Variants in TCEA1 observed in about 807,000 individuals in gnomAD.
TCEA1 encodes transcription elongation factor A protein 1.
In TCEA1, 21 loss-of-function variants were observed where a neutral mutation model predicts 43.8. That is an observed-to-expected ratio of 0.48 (90% CI 0.34 to 0.69). TCEA1 has a LOEUF of 0.69. Ranked by LOEUF, TCEA1 falls within the 30% of genes least tolerant of loss-of-function variation. The pLI, the probability that TCEA1 is intolerant of heterozygous loss-of-function variation, is 0.01. For missense variants in TCEA1, 250 were observed against 365.1 expected (o/e 0.68, Z 2.57); for synonymous variants, 104 against 117.5 (o/e 0.88, Z 0.75).
chr8:53,996,725 T>C (rs1283280106), intron 3 of TCEA1, among the ~76,000 whole-genome samples: 1 of 142,622 alleles, frequency 7.0e-6, no homozygotes, highest in African/African-American at 3.0e-5. Flanking sequence ...AAACAAACTA[T>C]TTTCATTAAA....
chr8:53,988,766 T>G (rs991267830), intron 4 of TCEA1, among the ~76,000 whole-genome samples: 4 of 152,014 alleles, frequency 2.6e-5, no homozygotes, highest in African/African-American at 9.7e-5. Flanking sequence ...AGAGAGAGAA[T>G]GCTTGAAAAA....
intron 1 of TCEA1, among the ~76,000 whole-genome samples, chr8:54,016,105 T>C (rs949486751): frequency 4.6e-5 from 7 of 152,256 alleles, no homozygotes; most frequent in African/African-American, 1.7e-4. Flanking sequence ...TGGAAAGGTC[T>C]GGCAGTTCCT....
intron 3 of TCEA1, among the ~76,000 whole-genome samples, chr8:53,996,761 C>T (rs934413594): frequency 8.7e-6 from 1 of 114,402 alleles, no homozygotes; most frequent in Non-Finnish European, 1.5e-5. Flanking sequence ...TAAGTACACA[C>T]ACAGCATAGG....
At chr8:53,976,859 T>G (rs1245318991) in intron 8 of TCEA1, among the ~76,000 whole-genome samples, 1 of 152,188 alleles carries the variant, frequency 6.6e-6, no homozygotes, top group Non-Finnish European at 1.5e-5. Context: ...GTAAAACTGC[T>G]ACAAAATGAA....
intron 2 of TCEA1, chr8:54,003,025 A>G: frequency 2.2e-6 from 1 of 456,318 alleles, no homozygotes; most frequent in East Asian, 6.9e-5. Context: ...GGTGTGCTCC[A>G]GAAGAAAAGT....
In TCEA1 at chr8:54,004,641, C is replaced by T. The variant is rs150507698; in HGVS notation, c.127-4591G>A. ...AAGGAGGAAGACCAGTTGGGGGGAA[C>T]GGAGAATGACTTTTTGGGGTGATGA... On this transcript the variant is annotated intron_variant, in intron 2 of 9. Transcript: ENST00000521604. Among the ~76,000 whole-genome samples, 401 of 152,100 alleles carry T rather than the reference C, an allele frequency of 2.6e-3. 5 individuals carry two copies. The highest frequency in any genetic ancestry group is 8.7e-3 in the African/African-American group (360 of 41,506).
intron 1 of TCEA1, 106 bp downstream of exon 1, chr8:54,021,957 C>CGGGAGGCTGCAGG (rs1805051150): frequency 8.8e-7 from 1 of 1,141,386 alleles, no homozygotes. Flanking sequence ...GGCTCCCAGA[C>CGGGAGGCTGCAGG]GGGAGGCTGC....
At chr8:53,970,551 A>T in intron 8 of TCEA1, 88 bp from the exon 9 acceptor site, 3 of 648,060 alleles carry the variant, frequency 4.6e-6, no homozygotes, top group Non-Finnish European at 8.0e-6. Context: ...TATATATTTA[A>T]TAAATATAAT....
intron 1 of TCEA1, among the ~76,000 whole-genome samples, chr8:54,018,042 C>T (rs535781912): frequency 6.6e-6 from 1 of 152,200 alleles, no homozygotes; most frequent in East Asian, 1.9e-4. Flanking sequence ...TTCTATTTCT[C>T]GATAAAGCTG....
chr8:53,999,195 A>C (rs1463528366), intron 3 of TCEA1, among the ~76,000 whole-genome samples: 12 of 144,788 alleles, frequency 8.3e-5, no homozygotes, highest in Non-Finnish European at 9.0e-5. Context: ...ACTGCACTCC[A>C]GCCTGGGCAA....
chr8:53,983,086 T>A lies in TCEA1; in HGVS notation c.678+1277A>T, dbSNP rs547744449. The stretch of plus-strand genomic sequence containing the variant: ...CCTAATCAGTCAGCAGCCGTCAACA[T>A]CCAGGCAATTCCCTTTTCCAGAAAA... On this transcript the variant is annotated intron_variant, in intron 7 of 9. Coordinates refer to ENST00000521604, the MANE Select transcript of TCEA1 (RefSeq NM_006756.4). 7.9e-5 allele frequency among the ~76,000 whole-genome samples: 12 copies of A among 152,316 alleles called. No individual in the cohort carries two copies. The East Asian group carries it at 1.9e-3, about 24-fold the overall frequency.
At chr8:53,979,669 T>C (rs1803445541) in intron 7 of TCEA1, among the ~76,000 whole-genome samples, 1 of 152,260 alleles carries the variant, frequency 6.6e-6, no homozygotes, top group South Asian at 2.1e-4. Context: ...GGGACAGGCC[T>C]GAACTCTGCT....
At chr8:53,980,322 A>T (rs921658269) in intron 7 of TCEA1, among the ~76,000 whole-genome samples, 1 of 152,164 alleles carries the variant, frequency 6.6e-6, no homozygotes, top group African/African-American at 2.4e-5. Context: ...CTACAGTCAT[A>T]CTTTGCTTTA....
chr8:54,016,164 G>C (rs1804817021), intron 1 of TCEA1, among the ~76,000 whole-genome samples: 1 of 152,176 alleles, frequency 6.6e-6, no homozygotes, highest in Admixed American at 6.5e-5. Flanking sequence ...ATTCTCCGAG[G>C]TATACACCCA....
chr8:54,018,406 C>T (rs1456057772), intron 1 of TCEA1, among the ~76,000 whole-genome samples: 2 of 152,092 alleles, frequency 1.3e-5, no homozygotes, highest in African/African-American at 4.8e-5. Flanking sequence ...TTTTTTAGGC[C>T]TTATTACATC....
At chr8:53,989,751 A>T (rs11985007) in intron 4 of TCEA1, among the ~76,000 whole-genome samples, 8,699 of 148,712 alleles carry the variant, frequency 0.058, 809 homozygotes, top group African/African-American at 0.2. Flanking sequence ...CCCATTTATT[A>T]TTTTTTTTTT....
rs1340662454 is a variant in TCEA1, at chr8:53,986,963, G to A, written c.523+6C>T. 3 of 1,584,546 alleles carry A rather than the reference G, an allele frequency of 1.9e-6. No homozygotes were observed. Among genetic ancestry groups the A allele is most frequent in the Non-Finnish European group, 2.6e-6 (3 of 1,165,876 alleles). ...AAACAATTATGAATATACACACAAA[G>A]GATATCTTCTTCAATTTGAGATCCT... On this transcript the variant is annotated splice_donor_region_variant and intron_variant, in intron 6 of 9. Transcript: ENST00000521604.
chr8:53,998,416 G>C (rs1272288902), intron 3 of TCEA1, among the ~76,000 whole-genome samples: 2 of 152,040 alleles, frequency 1.3e-5, no homozygotes, highest in Non-Finnish European at 2.9e-5. Context: ...TATTCAGGAG[G>C]CATACATACT....
At chr8:53,971,669 C>G (rs545310198) in intron 8 of TCEA1, 1 of 188,772 alleles carries the variant, frequency 5.3e-6, no homozygotes, top group Non-Finnish European at 1.1e-5. Flanking sequence ...TTAACCATAG[C>G]ACTGCAGAGT....
Sources: allele counts gnomAD v4.1 joint callset (sites outside exome capture counted in the v4.1 genomes callset), GRCh38; gene constraint gnomAD v4.1.1; transcripts MANE v1.5; gene names NCBI Gene and HGNC (gene_info 2026-07-23, HGNC 2026-07-21).